The following SNRPN variants were observed in gnomAD, a reference collection of about 807,000 sequenced individuals.
SNRPN encodes the protein small nuclear ribonucleoprotein-associated protein N.
SNRPN carries 7 observed loss-of-function variants against 25.2 expected under a neutral mutation model. That is an observed-to-expected ratio of 0.28 (90% CI 0.16 to 0.52). The LOEUF (loss-of-function observed/expected upper bound fraction) is 0.52. Ranked by LOEUF, SNRPN falls within the 20% of genes least tolerant of loss-of-function variation. The probability of loss-of-function intolerance (pLI) is 0.96; values close to 1 mark genes in which losing one functional copy is unlikely to be tolerated. For synonymous variants in SNRPN, 124 were observed against 110.6 expected (o/e 1.12, Z -0.76); for missense variants, 196 against 322.5 (o/e 0.61, Z 3.00).
At chr15:24,962,698 A>G (rs181179585) in intron 2 of SNRPN, among the ~76,000 whole-genome samples, 1 of 152,318 alleles carries the variant, frequency 6.6e-6, no homozygotes, top group Admixed American at 6.5e-5. Context: ...ATGTATACAC[A>G]GACACACTCA....
intron 1 of SNRPN, among the ~76,000 whole-genome samples, chr15:24,873,455 TC>T (rs138537995): frequency 0.1 from 7,117 of 69,730 alleles, 1,890 homozygotes; most frequent in Non-Finnish European, 0.12. Context: ...ATTTTGTCTC[TC>T]TTTTTTTTTG....
At chr15:24,973,231 A>AG (rs1359738371) in intron 3 of SNRPN, among the ~76,000 whole-genome samples, 1 of 152,028 alleles carries the variant, frequency 6.6e-6, no homozygotes, top group Middle Eastern at 3.2e-3. Flanking sequence ...CATAGTATGC[A>AG]GGATAGTAAC....
At position 24,848,428 on chromosome 15, in the gene SNRPN, T is replaced by G. The variant is rs1489890295; in HGVS notation, c.-579+18523T>G. On this transcript the variant is annotated intron_variant, in intron 2 of 12. Transcript: ENST00000400100. ...TATACCGCGGAAACTTTAACCTGCG[T>G]TTTCCCGTAAAATTTTCCTCTCTAG... 2.6e-5 allele frequency: 4 copies of G among 152,152 alleles called. No individual in the cohort carries two copies. In the East Asian group the frequency reaches 7.7e-4, roughly 29 times the overall value. 9.4% of individuals were successfully genotyped at this position (152,152 alleles called of 1,614,324 possible). A position where few individuals can be genotyped will look rare whatever the true frequency, so the allele number is the denominator to read the frequency against.
chr15:24,944,975 G>A (rs1403598678), intron 3 of SNRPN, among the ~76,000 whole-genome samples: 1 of 152,142 alleles, frequency 6.6e-6, no homozygotes, highest in Non-Finnish European at 1.5e-5. Flanking sequence ...GAAGGTATCT[G>A]CTTTACTCAA....
intron 2 of SNRPN, chr15:24,850,444 G>A (rs1392285242): frequency 6.6e-6 from 1 of 152,066 alleles, no homozygotes; most frequent in Non-Finnish European, 1.5e-5. Context: ...CTGAGTAGCT[G>A]GGATTACAGG....
chr15:24,864,500 C>T (rs1227147361), intron 1 of SNRPN, among the ~76,000 whole-genome samples: 11 of 151,562 alleles, frequency 7.3e-5, no homozygotes, highest in Non-Finnish European at 7.4e-5. Context: ...CCCGCCACCA[C>T]GCCCAGCTAA....
At chr15:24,891,286 G>A (rs1405417861) in intron 2 of SNRPN, among the ~76,000 whole-genome samples, 2 of 151,984 alleles carry the variant, frequency 1.3e-5, no homozygotes, top group African/African-American at 4.8e-5. Context: ...ACAAGATTAT[G>A]TGAACTTAAA....
intron 3 of SNRPN, among the ~76,000 whole-genome samples, chr15:24,945,206 G>C (rs951946001): frequency 1.3e-5 from 2 of 151,980 alleles, no homozygotes; most frequent in African/African-American, 4.8e-5. Flanking sequence ...TAAACAAATG[G>C]CTGTGGCTGT....
At chr15:24,890,856 G>C (rs1310700677) in intron 2 of SNRPN, among the ~76,000 whole-genome samples, 1 of 152,138 alleles carries the variant, frequency 6.6e-6, no homozygotes, top group Non-Finnish European at 1.5e-5. Flanking sequence ...ATTTTGGCTT[G>C]TCAGAAATAA....
At position 24,929,214 on chromosome 15, in the gene SNRPN, T is replaced by C. The variant is rs2060630095; in HGVS notation, c.-391+9090T>C. 6.6e-6 allele frequency among the ~76,000 whole-genome samples: 1 copy of C among 151,430 alleles called. No homozygotes were observed. The highest frequency in any genetic ancestry group is 1.5e-5 in the Non-Finnish European group (1 of 67,832). On this transcript the variant is annotated intron_variant, in intron 3 of 11. Coordinates refer to the SNRPN transcript ENST00000400097. The surrounding 1 kb of genome is among the most constrained non-coding windows in gnomAD (Gnocchi z 5.3). ...ATATATCTTCATGTATTTATAGTGA[T>C]ATTTTCCATCCCAATCTACACCGCA...
At chr15:24,966,792 T>C (rs2075704431) in intron 2 of SNRPN, among the ~76,000 whole-genome samples, 1 of 152,144 alleles carries the variant, frequency 6.6e-6, no homozygotes, top group African/African-American at 2.4e-5. Context: ...AAAAGTCCAA[T>C]TTCCAAATCC....
chr15:24,976,955 G>A lies in SNRPN; in HGVS notation c.346G>A (p.Ala116Thr). ...TAGGGCAGCTGGTAGAGGAGTACCAGCTGGTGTGCCAATTCCCCAGGCCCC... is the reference window on the plus strand; with the variant it reads ...TAGGGCAGCTGGTAGAGGAGTACCAACTGGTGTGCCAATTCCCCAGGCCCC... ...VGRAAGRGVP[A>T]GVPIPQAPAG... is the part of the protein sequence containing the mutation. Residue 116 changes from alanine (A) to threonine (T), a missense_variant, in exon 7 of 10, where the codon GCT (alanine) becomes ACT (threonine). By Grantham distance (58) the Ala-to-Thr change is moderately conservative. Transcript: ENST00000390687. 1 of 1,606,922 alleles carries A rather than the reference G, an allele frequency of 6.2e-7. No homozygotes were observed. The highest frequency in any genetic ancestry group is 1.1e-5 in the South Asian group (1 of 90,034).
At chr15:24,856,344 T>A (rs138924962), upstream of SNRPN, among the ~76,000 whole-genome samples, 1 of 152,258 alleles carries the variant, frequency 6.6e-6, no homozygotes, top group Non-Finnish European at 1.5e-5. Flanking sequence ...ATTTGCTTAG[T>A]CCATTCTTGG....
chr15:24,915,869 A>T (rs182642600), intron 2 of SNRPN, among the ~76,000 whole-genome samples: 310 of 152,122 alleles, frequency 2.0e-3, no homozygotes, highest in Middle Eastern at 0.014. Flanking sequence ...AAATTTAGGA[A>T]TGATATTCAG....
At chr15:24,954,923 A>G (rs373436366), upstream of SNRPN, 1 of 1,406,988 alleles carries the variant, frequency 7.1e-7, no homozygotes, top group Non-Finnish European at 9.9e-7. Flanking sequence ...CCGCAGAGGC[A>G]GGCTGGCGCG....
chr15:24,945,670 C>T (rs2061840193), intron 3 of SNRPN, among the ~76,000 whole-genome samples: 2 of 152,134 alleles, frequency 1.3e-5, no homozygotes, highest in African/African-American at 4.8e-5. Flanking sequence ...GGGTGAAGAG[C>T]TTTTTATTTT....
At chr15:24,890,086 G>A (rs1026219729) in intron 2 of SNRPN, among the ~76,000 whole-genome samples, 2 of 150,498 alleles carry the variant, frequency 1.3e-5, no homozygotes, top group African/African-American at 4.9e-5. Flanking sequence ...CAATTGCGGT[G>A]CCCTGGCATA....
intron 3 of SNRPN, 148 bp from the exon 4 acceptor site, chr15:24,974,163 G>T (rs1023961648): frequency 4.6e-6 from 2 of 433,852 alleles, no homozygotes; most frequent in African/African-American, 4.0e-5. Context: ...AGGGACTAGG[G>T]AAATGTGGCA....
intron 1 of SNRPN, among the ~76,000 whole-genome samples, chr15:24,883,563 TAAC>T (rs2056929035): frequency 1.3e-5 from 2 of 152,222 alleles, no homozygotes; most frequent in Admixed American, 6.5e-5. Context: ...CTTTGGATAA[TAAC>T]AGGCATCATT....
Sources: allele counts gnomAD v4.1 joint callset (sites outside exome capture counted in the v4.1 genomes callset), GRCh38; gene constraint gnomAD v4.1.1; non-coding constraint Gnocchi (gnomAD v3.1); transcripts MANE v1.5; gene names NCBI Gene and HGNC (gene_info 2026-07-23, HGNC 2026-07-21).